Variants in KCNQ1 observed in about 807,000 individuals in gnomAD.
KCNQ1 encodes the protein potassium voltage-gated channel subfamily Q member 1.
Under a neutral mutation model 72.4 loss-of-function variants are expected in KCNQ1, and 49 were observed. The ratio of observed to expected loss-of-function variants is 0.68; its 90% CI spans 0.54 to 0.86. The LOEUF (loss-of-function observed/expected upper bound fraction) is 0.86. Ranked by LOEUF, KCNQ1 falls within the 40% of genes least tolerant of loss-of-function variation. The pLI is 0.00. For synonymous variants in KCNQ1, 450 were observed against 412.6 expected, an observed-to-expected ratio of 1.09 and a Z score of -1.10; for missense variants, 790 against 945.1, an observed-to-expected ratio of 0.84 and a Z score of 2.15.
intron 10 of KCNQ1, chr11:2,631,426 G>T (rs182416404): frequency 2.0e-3 from 733 of 373,642 alleles, no homozygotes; most frequent in Non-Finnish European, 3.5e-4. Flanking sequence ...CAAAATGTTT[G>T]TTTTTTTTTT....
rs2133586113 is a variant in KCNQ1, at chr11:2,463,973, G to A, written c.386+18489G>A. Among the ~76,000 whole-genome samples the A allele has an allele frequency of 6.6e-6, 1 of 152,366 alleles. No homozygotes were observed. The highest frequency in any genetic ancestry group is 6.5e-5 in the Admixed American group (1 of 15,312). Reference sequence around the variant, plus strand: ...AGGCTCACTGTCGGCAGTTGGGTCTGGTTTGATAACCGTGGACCGGGGTGA... The same window carrying A: ...AGGCTCACTGTCGGCAGTTGGGTCTAGTTTGATAACCGTGGACCGGGGTGA... On this transcript the variant is annotated intron_variant, in intron 1 of 15. Coordinates refer to ENST00000155840, the MANE Select transcript of KCNQ1 (RefSeq NM_000218.3). The surrounding 1 kb of genome is among the most constrained non-coding windows in gnomAD (Gnocchi z 7.0).
At chr11:2,445,904 G>T (rs1846030230) in intron 1 of KCNQ1, among the ~76,000 whole-genome samples, 2 of 152,152 alleles carry the variant, frequency 1.3e-5, no homozygotes, top group African/African-American at 4.8e-5. Context: ...CTGATGTCCG[G>T]TGCCGCATCT....
intron 10 of KCNQ1, chr11:2,618,113 C>T (rs180773933): frequency 4.3e-5 from 17 of 398,478 alleles, no homozygotes; most frequent in Non-Finnish European, 5.8e-5. Flanking sequence ...AGAGCCATGT[C>T]GAGCTTTTCC....
rs201000825 is a variant in KCNQ1, at chr11:2,658,977, A to G, written c.1394-2984A>G. ...CTTTTGCTTTAACCATAGAGTGTCC[A>G]GTCAAAACAGTGTTTTTGAAAGCAA... On this transcript the variant is annotated intron_variant, in intron 10 of 15. Coordinates refer to ENST00000155840, the MANE Select transcript of KCNQ1 (RefSeq NM_000218.3). The surrounding 1 kb of genome is among the most constrained non-coding windows in gnomAD (Gnocchi z 4.9). The G allele has an allele frequency of 7.5e-6, 3 of 398,568 alleles. No individual in the cohort carries two copies. The highest frequency in any genetic ancestry group is 6.2e-5 in the African/African-American group (3 of 48,740). 24.7% of individuals were successfully genotyped at this position (398,568 alleles called of 1,614,324 possible). A position where few individuals can be genotyped will look rare whatever the true frequency, so the allele number is the denominator to read the frequency against.
In KCNQ1 at chr11:2,492,099, G is replaced by C. The variant is rs1278343977; in HGVS notation, c.387-35829G>C. On this transcript the variant is annotated intron_variant, in intron 1 of 15. Transcript: ENST00000155840. The surrounding 1 kb of genome is among the most constrained non-coding windows in gnomAD (Gnocchi z 4.1). ...CTAAAGGGAATTCTTCAATCTGAAA[G>C]AAAAGGGTGTTAATAAGCAACAAGA... is the stretch of plus-strand genomic sequence containing the variant. Among the ~76,000 whole-genome samples, 1 of 152,144 alleles carries C rather than the reference G, an allele frequency of 6.6e-6. No homozygotes were observed. Among genetic ancestry groups the C allele is most frequent in the Admixed American group, 6.5e-5 (1 of 15,280 alleles).
chr11:2,730,930 A>C (rs1277073010), intron 11 of KCNQ1, among the ~76,000 whole-genome samples: 1 of 152,144 alleles, frequency 6.6e-6, no homozygotes, highest in Non-Finnish European at 1.5e-5. Flanking sequence ...AGCTGAACCA[A>C]CTACAGAAAT....
chr11:2,742,819 T>C (rs1239479355), intron 11 of KCNQ1, among the ~76,000 whole-genome samples: 3 of 152,108 alleles, frequency 2.0e-5, no homozygotes, highest in African/African-American at 7.2e-5. Flanking sequence ...TCAAACAAAG[T>C]AGGCCAGCGG....
chr11:2,653,726 C>T lies in KCNQ1; in HGVS notation c.1394-8235C>T. The T allele has an allele frequency of 2.5e-6, 1 of 398,652 alleles. No individual in the cohort carries two copies. The highest frequency in any genetic ancestry group is 4.4e-5 in the Admixed American group (1 of 22,742). 24.7% of individuals were successfully genotyped at this position (398,652 alleles called of 1,614,324 possible). On this transcript the variant is annotated intron_variant, in intron 10 of 15. Coordinates refer to ENST00000155840, the MANE Select transcript of KCNQ1 (RefSeq NM_000218.3). This position sits in a 1 kb window ranked among gnomAD's most constrained non-coding sequence, Gnocchi z 5.3. Reference sequence around the variant, plus strand: ...AGGTCATCTCTTCCAGGATTCCTGCCAGAATCTAAGGCCAGGTTCTTATTG... The same window carrying T: ...AGGTCATCTCTTCCAGGATTCCTGCTAGAATCTAAGGCCAGGTTCTTATTG...
At position 2,677,700 on chromosome 11, in the gene KCNQ1, A is replaced by G; in HGVS notation, c.1514+15619A>G. On this transcript the variant is annotated intron_variant, in intron 11 of 15. Transcript: ENST00000155840. The surrounding 1 kb of genome is among the most constrained non-coding windows in gnomAD (Gnocchi z 4.5). ...TTTAACTACTGTTATTTTTCAAATT[A>G]ACTTCCCAATCAAATATCTCTATTG... is the stretch of plus-strand genomic sequence containing the variant. 1 of 398,600 alleles carries G rather than the reference A, an allele frequency of 2.5e-6. No homozygotes were observed. The highest frequency in any genetic ancestry group is 4.4e-5 in the Admixed American group (1 of 22,746). The allele number at this position is 398,600 out of a possible 1,614,324, so 24.7% of individuals were successfully genotyped here. A position where few individuals can be genotyped will look rare whatever the true frequency, so the allele number is the denominator to read the frequency against.
At chr11:2,751,081 C>A (rs553630679) in intron 11 of KCNQ1, among the ~76,000 whole-genome samples, 1 of 152,200 alleles carries the variant, frequency 6.6e-6, no homozygotes, top group Admixed American at 6.5e-5. Context: ...CAATTTGGGT[C>A]ACCCACAGCC....
chr11:2,559,435 C>T lies in KCNQ1; in HGVS notation c.478-11193C>T, dbSNP rs968278068. ...AGCCCGGGGCAGGGGGAGGGCCAGCCCCTGTGGTTTTAGCCTCCTGAGAGT... is the reference window on the plus strand; with the variant it reads ...AGCCCGGGGCAGGGGGAGGGCCAGCTCCTGTGGTTTTAGCCTCCTGAGAGT... On this transcript the variant is annotated intron_variant, in intron 2 of 15. Transcript: ENST00000155840. This position sits in a 1 kb window ranked among gnomAD's most constrained non-coding sequence, Gnocchi z 4.9. Among the ~76,000 whole-genome samples, 1 of 152,176 alleles carries T rather than the reference C, an allele frequency of 6.6e-6. No homozygotes were observed. Among genetic ancestry groups the T allele is most frequent in the African/African-American group, 2.4e-5 (1 of 41,446 alleles).
chr11:2,731,721 G>A (rs2133941352), intron 11 of KCNQ1, among the ~76,000 whole-genome samples: 1 of 152,352 alleles, frequency 6.6e-6, no homozygotes, highest in South Asian at 2.1e-4. Flanking sequence ...GCAAGGGAGG[G>A]GAGGGCTGGT....
At position 2,543,117 on chromosome 11, in the gene KCNQ1, A is replaced by G. The variant is rs1375284629; in HGVS notation, c.477+15099A>G. 1.3e-5 allele frequency among the ~76,000 whole-genome samples: 2 copies of G among 152,170 alleles called. No homozygotes were observed. Among genetic ancestry groups the G allele is most frequent in the Non-Finnish European group, 1.5e-5 (1 of 68,044 alleles). ...CGTGTTTCATTGGCATCCAGGAAAC[A>G]TCTTTGGTGACATATCTTTTTAAAT... On this transcript the variant is annotated intron_variant, in intron 2 of 15. Transcript: ENST00000155840. This position sits in a 1 kb window ranked among gnomAD's most constrained non-coding sequence, Gnocchi z 5.6.
intron 8 of KCNQ1, among the ~76,000 whole-genome samples, chr11:2,586,390 C>T (rs917343256): frequency 9.2e-5 from 14 of 152,236 alleles, no homozygotes; most frequent in Non-Finnish European, 1.2e-4. Flanking sequence ...TTTCTCCTTC[C>T]TGGGAGACCA....
Position 2,498,478 on chromosome 11 carries a change from G to C in KCNQ1, c.387-29450G>C, listed in dbSNP as rs1846956742. Among the ~76,000 whole-genome samples, 1 of 152,156 alleles carries C rather than the reference G, an allele frequency of 6.6e-6. No homozygotes were observed. The highest frequency in any genetic ancestry group is 2.4e-5 in the African/African-American group (1 of 41,440). The stretch of plus-strand genomic sequence containing the variant: ...CAGTCCAAGCCTCCCAGCCTCCTTA[G>C]CACTATCAGGGGAAAACCGCCTACT... On this transcript the variant is annotated intron_variant, in intron 1 of 15. Transcript: ENST00000155840. The surrounding 1 kb of genome is among the most constrained non-coding windows in gnomAD (Gnocchi z 4.8).
Position 2,826,413 on chromosome 11 carries a change from G to T in KCNQ1, c.1795-21354G>T, listed in dbSNP as rs947064737. ...GAACCCGCGGCCAGGCCCAGCAGCC[G>T]CCTCTTGGCAGCGCTGATGGAAACC... On this transcript the variant is annotated intron_variant, in intron 15 of 15. Coordinates refer to ENST00000155840, the MANE Select transcript of KCNQ1 (RefSeq NM_000218.3). The surrounding 1 kb of genome is among the most constrained non-coding windows in gnomAD (Gnocchi z 4.2). Among the ~76,000 whole-genome samples, 2 of 152,244 alleles carry T rather than the reference G, an allele frequency of 1.3e-5. No individual in the cohort carries two copies. The highest frequency in any genetic ancestry group is 6.5e-5 in the Admixed American group (1 of 15,292).
chr11:2,777,065 C>A (rs1846721125), intron 14 of KCNQ1, 33 bp downstream of exon 14: 2 of 1,610,154 alleles, frequency 1.2e-6, no homozygotes, highest in African/African-American at 2.7e-5. Context: ...CTGGGCCCAG[C>A]AGCCTGCAAT....
Position 2,833,843 on chromosome 11 carries a change from C to T in KCNQ1, c.1795-13924C>T, listed in dbSNP as rs866784681. 2.2e-4 allele frequency among the ~76,000 whole-genome samples: 33 copies of T among 152,324 alleles called. No individual in the cohort carries two copies. In the Middle Eastern group the frequency reaches 0.017, roughly 79 times the overall value. On this transcript the variant is annotated intron_variant, in intron 15 of 15. Transcript: ENST00000155840. ...AGTGTCCAGCACCAGCGCCAGGGGCCGTTCCGACAGGCTGAGGAGCGGCGG... is the reference window on the plus strand; with the variant it reads ...AGTGTCCAGCACCAGCGCCAGGGGCTGTTCCGACAGGCTGAGGAGCGGCGG...
In KCNQ1 at chr11:2,537,678, A is replaced by G. The variant is rs1847755497; in HGVS notation, c.477+9660A>G. ...TGCACGTTTCTCTCTATATGCAAAA[A>G]CCTATATGGGTTTTGTGGGGTTTTT... On this transcript the variant is annotated intron_variant, in intron 2 of 15. Coordinates refer to ENST00000155840, the MANE Select transcript of KCNQ1 (RefSeq NM_000218.3). The surrounding 1 kb of genome is among the most constrained non-coding windows in gnomAD (Gnocchi z 5.2). Among the ~76,000 whole-genome samples, 1 of 151,838 alleles carries G rather than the reference A, an allele frequency of 6.6e-6. No homozygotes were observed. Among genetic ancestry groups the G allele is most frequent in the Non-Finnish European group, 1.5e-5 (1 of 67,962 alleles).
Sources: allele counts gnomAD v4.1 joint callset (sites outside exome capture counted in the v4.1 genomes callset), GRCh38; gene constraint gnomAD v4.1.1; non-coding constraint Gnocchi (gnomAD v3.1); transcripts MANE v1.5; gene names NCBI Gene and HGNC (gene_info 2026-07-23, HGNC 2026-07-21).